UNC79: variants seen among roughly 807,000 people sequenced by gnomAD.
UNC79 encodes the protein unc-79 subunit of NALCN channel complex.
Under a neutral mutation model 283.1 loss-of-function variants are expected in UNC79, and 37 were observed. That is an observed-to-expected ratio of 0.13 (90% CI 0.10 to 0.17). The LOEUF (loss-of-function observed/expected upper bound fraction) is 0.17. UNC79 is among the 10% of genes least tolerant of loss of function. The probability of loss-of-function intolerance (pLI) is 1.00; values close to 1 mark genes in which losing one functional copy is unlikely to be tolerated. For synonymous variants in UNC79, 1,107 were observed against 1,200.2 expected, an observed-to-expected ratio of 0.92 and a Z score of 1.61; for missense variants, 2,272 against 3,211.1, an observed-to-expected ratio of 0.71 and a Z score of 7.07.
At chr14:93,694,407 G>C in exon 47 of UNC79, 1 of 1,609,598 alleles carries the variant, frequency 6.2e-7, no homozygotes, top group Non-Finnish European at 8.5e-7. Flanking sequence ...GACCATTTTT[G>C]TCAAGGTAGG....
At chr14:93,407,946 A>G (rs2055260513) in intron 1 of UNC79, among the ~76,000 whole-genome samples, 1 of 152,226 alleles carries the variant, frequency 6.6e-6, no homozygotes, top group South Asian at 2.1e-4. Context: ...CTACAGTTAT[A>G]GCCAACATTA....
At chr14:93,339,497 C>T (rs2053655313) in intron 1 of UNC79, among the ~76,000 whole-genome samples, 1 of 152,138 alleles carries the variant, frequency 6.6e-6, no homozygotes, top group Admixed American at 6.5e-5. Flanking sequence ...GACGGGATTT[C>T]ACCATGTTGG....
intron 1 of UNC79, among the ~76,000 whole-genome samples, chr14:93,385,107 A>G (rs896326786): frequency 6.6e-6 from 1 of 152,148 alleles, no homozygotes; most frequent in Non-Finnish European, 1.5e-5. Context: ...TAAGTCAGGT[A>G]ATGTGATTCC....
At chr14:93,581,632 T>G in intron 19 of UNC79, among the ~76,000 whole-genome samples, 1 of 152,010 alleles carries the variant, frequency 6.6e-6, no homozygotes, top group East Asian at 1.9e-4. Context: ...CAGCTGGGAT[T>G]ACAGGCATGT....
At chr14:93,484,346 G>T (rs909926389) in intron 4 of UNC79, among the ~76,000 whole-genome samples, 3 of 152,218 alleles carry the variant, frequency 2.0e-5, no homozygotes, top group Non-Finnish European at 2.9e-5. Context: ...GACTTGGCCT[G>T]CAGTCCCAAT....
chr14:93,472,377 G>A (rs1423904122), intron 2 of UNC79, among the ~76,000 whole-genome samples: 1 of 151,944 alleles, frequency 6.6e-6, no homozygotes, highest in Non-Finnish European at 1.5e-5. Context: ...ACAGTCAGGT[G>A]GTAACTGGAA....
At chr14:93,653,946 C>T in exon 37 of UNC79, 1 of 1,614,130 alleles carries the variant, frequency 6.2e-7, no homozygotes, top group Non-Finnish European at 8.5e-7. Context: ...CCAGATGGGA[C>T]TTTTTTACGG....
intron 40 of UNC79, among the ~76,000 whole-genome samples, chr14:93,671,999 A>G (rs142843668): frequency 0.018 from 2,688 of 152,272 alleles, 75 homozygotes; most frequent in African/African-American, 0.062. Context: ...ATCTTACCCC[A>G]GTTAGAAAGG....
chr14:93,453,308 C>A (rs2056701938), intron 1 of UNC79, among the ~76,000 whole-genome samples: 1 of 152,192 alleles, frequency 6.6e-6, no homozygotes, highest in South Asian at 2.1e-4. Context: ...TTGAGTATTG[C>A]ACTTAGCTGT....
chr14:93,562,775 C>G (rs2062639508), intron 14 of UNC79, among the ~76,000 whole-genome samples: 1 of 152,030 alleles, frequency 6.6e-6, no homozygotes, highest in African/African-American at 2.4e-5. Flanking sequence ...CTTCTCAGAC[C>G]CTGTGGGAAA....
At chr14:93,379,718 A>AGGGGGGGGGGGGGG (rs201852550) in intron 1 of UNC79, among the ~76,000 whole-genome samples, 11 of 50,482 alleles carry the variant, frequency 2.2e-4, no homozygotes, top group South Asian at 1.2e-3. Context: ...GGAGGGTGGG[A>AGGGGGGGGGGGGGG]GGGGGGTGAG....
chr14:93,596,685 A>C (rs1278052416), intron 23 of UNC79, among the ~76,000 whole-genome samples: 1 of 152,196 alleles, frequency 6.6e-6, no homozygotes, highest in Non-Finnish European at 1.5e-5. Flanking sequence ...GGCTGTTGCA[A>C]TAGCTTAAGC....
chr14:93,357,714 T>TCC (rs1173349449), intron 1 of UNC79, among the ~76,000 whole-genome samples: 1 of 125,024 alleles, frequency 8.0e-6, no homozygotes. Context: ...TATATATATA[T>TCC]ATATATGGAT....
At chr14:93,404,493 A>AAAAAATATAT in intron 1 of UNC79, among the ~76,000 whole-genome samples, 18 of 61,498 alleles carry the variant, frequency 2.9e-4, no homozygotes, top group Admixed American at 4.7e-4. Flanking sequence ...TTCTAAAAAA[A>AAAAAATATAT]ATATATATAT....
chr14:93,562,286 G>T (rs1255268555), intron 14 of UNC79, among the ~76,000 whole-genome samples: 1 of 152,170 alleles, frequency 6.6e-6, no homozygotes, highest in Non-Finnish European at 1.5e-5. Context: ...TCCAGGTAGG[G>T]TGTCTTCATA....
intron 14 of UNC79, among the ~76,000 whole-genome samples, chr14:93,565,038 C>T (rs1425811959): frequency 1.3e-5 from 2 of 151,668 alleles, no homozygotes; most frequent in Non-Finnish European, 2.9e-5. Flanking sequence ...GGCTAAGAGA[C>T]CAGAAGTACA....
chr14:93,632,393 G>A (rs1013574794), intron 31 of UNC79, among the ~76,000 whole-genome samples: 2 of 152,070 alleles, frequency 1.3e-5, no homozygotes, highest in African/African-American at 2.4e-5. Flanking sequence ...TAATTTGTAC[G>A]AGTTATCTTT....
chr14:93,367,417 G>A (rs147065519), intron 1 of UNC79, among the ~76,000 whole-genome samples: 255 of 152,260 alleles, frequency 1.7e-3, no homozygotes, highest in African/African-American at 5.8e-3. Context: ...TACTGATGGA[G>A]ATACTTTTGG....
chr14:93,492,622 G>A (rs914657669), intron 5 of UNC79, among the ~76,000 whole-genome samples: 3 of 152,200 alleles, frequency 2.0e-5, no homozygotes, highest in Admixed American at 6.5e-5. Flanking sequence ...CCAAAGTGCT[G>A]GGATTACAGG....
Sources: gnomAD v4.1 joint callset for allele counts (sites outside exome capture counted in the v4.1 genomes callset) on GRCh38, gnomAD v4.1.1 for gene constraint, MANE v1.5 for transcripts, NCBI Gene and HGNC (gene_info 2026-07-23, HGNC 2026-07-21) for gene names.